Variants in ZMYM1 observed in about 807,000 individuals in gnomAD.
ZMYM1 encodes the protein zinc finger MYM-type containing 1.
In ZMYM1, 39 loss-of-function variants were observed where a neutral mutation model predicts 60.0. That is an observed-to-expected ratio of 0.65 (90% CI 0.50 to 0.85). The LOEUF (loss-of-function observed/expected upper bound fraction) is 0.85. Among genes scored for constraint, ZMYM1 ranks in the 40% least tolerant of loss-of-function variants. ZMYM1 has a pLI of 0.00. For missense variants in ZMYM1, 1,171 were observed against 1,309.5 expected, an observed-to-expected ratio of 0.89 and a Z score of 1.63; for synonymous variants, 413 against 454.0, an observed-to-expected ratio of 0.91 and a Z score of 1.15.
chr1:35,104,197 T>TA (rs1643802414), intron 4 of ZMYM1, 98 bp from the exon 5 acceptor site: 1 of 1,110,864 alleles, frequency 9.0e-7, no homozygotes, highest in Non-Finnish European at 1.3e-6. Context: ...ATTTCAAGGC[T>TA]AATGTTCTTA....
At chr1:35,095,287 A>C (rs1643246294) in intron 2 of ZMYM1, among the ~76,000 whole-genome samples, 1 of 151,906 alleles carries the variant, frequency 6.6e-6, no homozygotes. Flanking sequence ...AGACAGGCAG[A>C]TCACTTGAGG....
At chr1:35,088,454 A>ATATATATATATGTGTGTG (rs1464546786) in intron 1 of ZMYM1, among the ~76,000 whole-genome samples, 2 of 107,248 alleles carry the variant, frequency 1.9e-5, no homozygotes, top group African/African-American at 8.5e-5. Context: ...ATATATATAT[A>ATATATATATATGTGTGTG]TGTGTGTGTG....
chr1:35,089,016 G>T (rs890260241), intron 1 of ZMYM1, among the ~76,000 whole-genome samples: 50 of 151,940 alleles, frequency 3.3e-4, no homozygotes, highest in African/African-American at 1.2e-3. Flanking sequence ...GTTTCACTGT[G>T]TTGGCCAGGC....
At chr1:35,098,515 A>G (rs1479734162) in intron 4 of ZMYM1, among the ~76,000 whole-genome samples, 6 of 152,230 alleles carry the variant, frequency 3.9e-5, no homozygotes, top group African/African-American at 2.4e-5. Context: ...TCAGGTTGCC[A>G]TAATTTGAAT....
intron 1 of ZMYM1, among the ~76,000 whole-genome samples, chr1:35,064,955 G>A (rs1219208496): frequency 2.0e-5 from 3 of 152,034 alleles, no homozygotes; most frequent in Non-Finnish European, 2.9e-5. Context: ...GCTTACAAGC[G>A]TGAGCCACTG....
Position 35,111,875 on chromosome 1 carries a change from T to C in ZMYM1, c.1065T>C (p.Asp355=). 4 of 1,604,076 alleles carry C rather than the reference T, an allele frequency of 2.5e-6. No individual in the cohort carries two copies. Among genetic ancestry groups the C allele is most frequent in the Non-Finnish European group, 2.6e-6 (3 of 1,174,012 alleles). ...ISNIVSLADT[D]VALPIMNTDV... is the part of the protein sequence containing the mutation. ...ATATAGTGTCATTGGCAGACACCGATGTTGCCTTGCCCATCATGAACACTG... is the reference window on the plus strand; with the variant it reads ...ATATAGTGTCATTGGCAGACACCGACGTTGCCTTGCCCATCATGAACACTG... Residue 355 remains aspartate, a synonymous_variant, in exon 8 of 10, where the codon GAT becomes GAC. Coordinates refer to ENST00000359858, the MANE Select transcript of ZMYM1 (RefSeq NM_024772.5).
chr1:35,101,059 T>C (rs1391474969), intron 4 of ZMYM1, among the ~76,000 whole-genome samples: 1 of 150,900 alleles, frequency 6.6e-6, no homozygotes, highest in Non-Finnish European at 1.5e-5. Context: ...TGGCTTGCCC[T>C]CCCAAAGTGC....
chr1:35,091,508 G>A (rs369982329), intron 1 of ZMYM1, among the ~76,000 whole-genome samples: 6 of 151,950 alleles, frequency 3.9e-5, no homozygotes, highest in East Asian at 1.9e-4. Context: ...CCACTGCCCC[G>A]GCCAAGTGGA....
At chr1:35,095,962 C>A in intron 3 of ZMYM1, 71 bp downstream of exon 3, 4 of 1,149,902 alleles carry the variant, frequency 3.5e-6, no homozygotes, top group South Asian at 1.3e-5. Flanking sequence ...TTTTTTAATG[C>A]CTTTGAATAT....
intron 3 of ZMYM1, among the ~76,000 whole-genome samples, 177 bp downstream of exon 3, chr1:35,096,068 A>G (rs1425140724): frequency 1.3e-5 from 2 of 152,084 alleles, no homozygotes; most frequent in Admixed American, 6.6e-5. Context: ...TAATCCCAGC[A>G]CTTTGGGAGG....
At position 35,114,683 on chromosome 1, in the gene ZMYM1, T is replaced by C. The variant is rs1433678372; in HGVS notation, c.2853T>C (p.Asp951=). 4 of 1,567,352 alleles carry C rather than the reference T, an allele frequency of 2.6e-6. No homozygotes were observed. Among genetic ancestry groups the C allele is most frequent in the Non-Finnish European group, 3.4e-6 (4 of 1,171,612 alleles). Residue 951 remains aspartate (D), a synonymous_variant, in exon 10 of 10, where the codon GAT becomes GAC. Coordinates refer to ENST00000359858, the MANE Select transcript of ZMYM1 (RefSeq NM_024772.5). ...AATCAGTAGATCTTGGCAATTCAGA[T>C]AATATGTTTTTTCCTACTTCAACAG... The part of the protein sequence containing the change: ...IQKSVDLGNS[D]NMFFPTSTEE...
intron 1 of ZMYM1, among the ~76,000 whole-genome samples, chr1:35,088,100 T>C (rs886739568): frequency 1.3e-5 from 2 of 151,772 alleles, no homozygotes; most frequent in African/African-American, 4.8e-5. Context: ...TCTGCTCTTA[T>C]CATATTTCTC....
chr1:35,088,805 C>CTTTTTTTTTTTTTTTTTTTTTTTTTT (rs375136566), intron 1 of ZMYM1, among the ~76,000 whole-genome samples: 1 of 119,614 alleles, frequency 8.4e-6, no homozygotes. Context: ...GGATGCTTTC[C>CTTTTTTTTTTTTTTTTTTTTTTTTTT]TTTTTTTTTT....
intron 1 of ZMYM1, among the ~76,000 whole-genome samples, chr1:35,072,665 T>C (rs1642087960): frequency 6.6e-6 from 1 of 152,102 alleles, no homozygotes; most frequent in South Asian, 2.1e-4. Flanking sequence ...TATTTCTTCT[T>C]GGCCAGGCGT....
intron 6 of ZMYM1, among the ~76,000 whole-genome samples, chr1:35,109,784 T>C (rs531728948): frequency 6.6e-6 from 1 of 152,132 alleles, no homozygotes; most frequent in African/African-American, 2.4e-5. Context: ...TTCACTCTTG[T>C]TGCCCAGGCT....
intron 1 of ZMYM1, among the ~76,000 whole-genome samples, chr1:35,068,881 T>C (rs926077332): frequency 6.6e-6 from 1 of 152,160 alleles, no homozygotes; most frequent in African/African-American, 2.4e-5. Context: ...CTGTCACCCA[T>C]GCTGGAGGGC....
In ZMYM1 at chr1:35,113,216, A is replaced by G. The variant is rs760924497; in HGVS notation, c.1386A>G (p.Ala462=). 4 of 1,613,458 alleles carry G rather than the reference A, an allele frequency of 2.5e-6. No individual in the cohort carries two copies. Among genetic ancestry groups the G allele is most frequent in the Admixed American group, 1.7e-5 (1 of 60,026 alleles). ...GAAGTATTAAAAAATCTTGTTGTGCAGATTTTGAGTGTTTGGAAAACAGTA... is the reference window on the plus strand; with the variant it reads ...GAAGTATTAAAAAATCTTGTTGTGCGGATTTTGAGTGTTTGGAAAACAGTA... The part of the protein sequence containing the change: ...KSRSIKKSCC[A]DFECLENSKK... The change falls in exon 10 of 10, where the codon GCA becomes GCG. Residue 462 remains alanine (A), a synonymous_variant. Transcript: ENST00000359858.
Position 35,114,405 on chromosome 1 carries a change from G to C in ZMYM1, c.2575G>C (p.Val859Leu). Residue 859 changes from valine (V) to leucine (L), a missense_variant, in exon 10 of 10, where the codon GTC (valine) becomes CTC (leucine). Coordinates refer to ENST00000359858, the MANE Select transcript of ZMYM1 (RefSeq NM_024772.5). Reference protein sequence around the residue: ...LLTLVSKFEFVFCLKFLYRVL... With the variant: ...LLTLVSKFEFLFCLKFLYRVL... Reference sequence around the variant, plus strand: ...GACATTGGTTTCCAAATTTGAATTTGTCTTTTGTTTGAAATTCCTGTATCG... The same window carrying C: ...GACATTGGTTTCCAAATTTGAATTTCTCTTTTGTTTGAAATTCCTGTATCG... 6.2e-7 allele frequency: 1 copy of C among 1,613,064 alleles called. No individual in the cohort carries two copies. The highest frequency in any genetic ancestry group is 8.5e-7 in the Non-Finnish European group (1 of 1,179,414).
chr1:35,064,502 A>G (rs1167205079), intron 1 of ZMYM1, among the ~76,000 whole-genome samples: 7 of 151,948 alleles, frequency 4.6e-5, no homozygotes, highest in Non-Finnish European at 8.8e-5. Flanking sequence ...TAGAACATAC[A>G]TTCTTTCAAG....
Sources: gnomAD v4.1 joint callset for allele counts (sites outside exome capture counted in the v4.1 genomes callset) on GRCh38, gnomAD v4.1.1 for gene constraint, MANE v1.5 for transcripts, NCBI Gene and HGNC (gene_info 2026-07-23, HGNC 2026-07-21) for gene names.